The following KRR1 variants were observed in gnomAD, a reference collection of about 807,000 sequenced individuals.
The protein encoded by KRR1 is KRR1 small subunit processome component homolog.
Under a neutral mutation model 50.0 loss-of-function variants are expected in KRR1, and 23 were observed. The observed-to-expected ratio is 0.46, with a 90% CI of 0.33 to 0.65. KRR1 has a LOEUF of 0.65. Ranked by LOEUF, KRR1 falls within the 30% of genes least tolerant of loss-of-function variation. The pLI, the probability that KRR1 is intolerant of heterozygous loss-of-function variation, is 0.02. For synonymous variants in KRR1, 133 were observed against 146.3 expected (o/e 0.91, Z 0.66); for missense variants, 419 against 442.4 (o/e 0.95, Z 0.47).
rs370713345 is a variant in KRR1, at chr12:75,495,997, G to GTTTT, written c.*3808_*3811dup. 196 of 132,294 alleles carry GTTTT rather than the reference G, an allele frequency of 1.5e-3. 7 individuals are homozygous for GTTTT. Among genetic ancestry groups the GTTTT allele is most frequent in the African/African-American group, 4.0e-3 (136 of 33,670 alleles). The allele number at this position is 132,294 out of a possible 1,614,324, so 8.2% of individuals were successfully genotyped here. A position where few individuals can be genotyped will look rare whatever the true frequency, so the allele number is the denominator to read the frequency against. On this transcript the variant is annotated 3_prime_UTR_variant, in exon 10 of 10. Transcript: ENST00000229214. ...TCCAAACAAACAGAATTCTGTTTTC[G>GTTTT]TTTTTTTTTTTGTTTTTTTTTTTTG...
intron 1 of KRR1, among the ~76,000 whole-genome samples, chr12:75,509,775 T>TG (rs1442273103): frequency 3.3e-5 from 5 of 150,736 alleles, no homozygotes; most frequent in African/African-American, 1.2e-4. Flanking sequence ...TTTTTTTTTT[T>TG]GTAGCGAAAG....
rs1025065672 is a variant in KRR1, at chr12:75,497,556, C to T, written c.*2253G>A. 1.3e-5 allele frequency: 2 copies of T among 152,130 alleles called. No homozygotes were observed. The highest frequency in any genetic ancestry group is 4.8e-5 in the African/African-American group (2 of 41,418). 9.4% of individuals were successfully genotyped at this position (152,130 alleles called of 1,614,324 possible). A position where few individuals can be genotyped will look rare whatever the true frequency, so the allele number is the denominator to read the frequency against. ...ACTTGAAAGTATTCTACTCTTCGCA[C>T]TAATACTGAATAAGTAAGATTTGTG... On this transcript the variant is annotated 3_prime_UTR_variant, in exon 10 of 10. Transcript: ENST00000229214.
intron 9 of KRR1, chr12:75,500,525 ATATT>A (rs2046385295): frequency 2.6e-5 from 4 of 151,934 alleles, no homozygotes; most frequent in Non-Finnish European, 4.4e-5. Flanking sequence ...AATTCATTGA[ATATT>A]AATTCAATGA....
At chr12:75,508,550 T>C in intron 1 of KRR1, 104 bp from the exon 2 acceptor site, 2 of 741,384 alleles carry the variant, frequency 2.7e-6, no homozygotes, top group Middle Eastern at 6.8e-4. Context: ...CCTATGCACA[T>C]ATTCACAAAC....
chr12:75,501,659 A>G lies in KRR1; in HGVS notation c.1003+64T>C, dbSNP rs1364096945. On this transcript the variant is annotated intron_variant, in intron 9 of 9. Transcript: ENST00000229214. Reference sequence around the variant, plus strand: ...ACAACTGTTTCTTAAAAAGATTCAGACAAATTTATTATGGGTTTACTTTTC... The same window carrying G: ...ACAACTGTTTCTTAAAAAGATTCAGGCAAATTTATTATGGGTTTACTTTTC... 3.7e-6 allele frequency: 4 copies of G among 1,069,704 alleles called. No individual in the cohort carries two copies. The Admixed American group carries it at 6.3e-5, about 17-fold the overall frequency. 66.3% of individuals were successfully genotyped at this position (1,069,704 alleles called of 1,614,324 possible). A position where few individuals can be genotyped will look rare whatever the true frequency, so the allele number is the denominator to read the frequency against.
intron 7 of KRR1, chr12:75,503,616 T>A: frequency 4.4e-6 from 1 of 228,050 alleles, no homozygotes; most frequent in East Asian, 8.8e-5. Flanking sequence ...GAGAAAAGAG[T>A]ATTGCAGACT....
Position 75,496,616 on chromosome 12 carries a change from A to G in KRR1, c.*3193T>C, listed in dbSNP as rs1594062319. ...AGGGGAAACTTCAATTAAGCTGTGC[A>G]AAGCCTGTGGTACTTTCGTGTCCAT... On this transcript the variant is annotated 3_prime_UTR_variant, in exon 10 of 10. Transcript: ENST00000229214. 6.6e-6 allele frequency: 1 copy of G among 152,204 alleles called. No homozygotes were observed. Among genetic ancestry groups the G allele is most frequent in the East Asian group, 1.9e-4 (1 of 5,176 alleles). The allele number at this position is 152,204 out of a possible 1,614,324, so 9.4% of individuals were successfully genotyped here. A position where few individuals can be genotyped will look rare whatever the true frequency, so the allele number is the denominator to read the frequency against.
At chr12:75,505,112 C>A in intron 6 of KRR1, 86 bp downstream of exon 6, 2 of 1,328,690 alleles carry the variant, frequency 1.5e-6, no homozygotes, top group South Asian at 1.3e-5. Flanking sequence ...ATTAGAATTT[C>A]ATAAAACATT....
Position 75,495,997 on chromosome 12 carries a change from G to GTTT in KRR1, c.*3809_*3811dup, listed in dbSNP as rs370713345. The GTTT allele has an allele frequency of 3.9e-3, 520 of 132,168 alleles. 15 individuals are homozygous for GTTT. Among genetic ancestry groups the GTTT allele is most frequent in the African/African-American group, 6.3e-3 (211 of 33,658 alleles). 8.2% of individuals were successfully genotyped at this position (132,168 alleles called of 1,614,324 possible). A position where few individuals can be genotyped will look rare whatever the true frequency, so the allele number is the denominator to read the frequency against. ...TCCAAACAAACAGAATTCTGTTTTC[G>GTTT]TTTTTTTTTTTGTTTTTTTTTTTTG... On this transcript the variant is annotated 3_prime_UTR_variant, in exon 10 of 10. Transcript: ENST00000229214.
chr12:75,500,158 T>A lies in KRR1; in HGVS notation c.1004-207A>T, dbSNP rs1415388637. ...TTTCTTCAGATTAAGATAAAACAAA[T>A]CATAAAATACTTTATATATTAGTAC... On this transcript the variant is annotated intron_variant, in intron 9 of 9. Transcript: ENST00000229214. 13 of 381,606 alleles carry A rather than the reference T, an allele frequency of 3.4e-5. No individual in the cohort carries two copies. The East Asian group carries it at 5.1e-4, about 15-fold the overall frequency. 23.6% of individuals were successfully genotyped at this position (381,606 alleles called of 1,614,324 possible).
rs767374508 is a variant in KRR1, at chr12:75,504,048, T to A, written c.687A>T (p.Ala229=). 2.5e-6 allele frequency: 4 copies of A among 1,611,620 alleles called. No individual in the cohort carries two copies. The highest frequency in any genetic ancestry group is 3.3e-5 in the Admixed American group (2 of 59,812). The part of the protein sequence containing the change: ...IKSLMIKREL[A]KDSELRSQSW... ...TTTGTGATCGTAATTCAGAATCTTT[T>A]GCCAACTCTCTCTTAATCATTAAGC... Residue 229 remains alanine, a synonymous_variant, in exon 7 of 10, where the codon GCA becomes GCT. Transcript: ENST00000229214.
intron 1 of KRR1, among the ~76,000 whole-genome samples, chr12:75,511,164 C>T (rs1234258331): frequency 6.6e-6 from 1 of 152,206 alleles, no homozygotes; most frequent in Non-Finnish European, 1.5e-5. Flanking sequence ...CTATTCCCAC[C>T]TCACCCTATT....
Position 75,506,616 on chromosome 12 carries a change from CAAAA to C in KRR1, c.394-11_394-8del, listed in dbSNP as rs35071517. 2,008 of 1,365,562 alleles carry C rather than the reference CAAAA, an allele frequency of 1.5e-3. No homozygotes were observed. The highest frequency in any genetic ancestry group is 4.0e-3 in the South Asian group (256 of 64,246). The allele number at this position is 1,365,562 out of a possible 1,614,324, so 84.6% of individuals were successfully genotyped here. A position where few individuals can be genotyped will look rare whatever the true frequency, so the allele number is the denominator to read the frequency against. On this transcript the variant is annotated splice_polypyrimidine_tract_variant and splice_region_variant and intron_variant, in intron 3 of 9. Transcript: ENST00000229214. The stretch of plus-strand genomic sequence containing the variant: ...CCTGAAGAATTCGTACTGCCTTTTG[CAAAA>C]AAAAAAAAAAAAAGAAGACATTATC...
intron 2 of KRR1, 43 bp downstream of exon 2, chr12:75,508,231 G>C: frequency 6.5e-6 from 9 of 1,379,498 alleles, no homozygotes; most frequent in Non-Finnish European, 8.8e-6. Context: ...GCATAAGCAA[G>C]AGCAAAGTCT....
In KRR1 at chr12:75,498,656, CTTTTAA is replaced by C. The variant is rs2046366986; in HGVS notation, c.*1147_*1152del. 2.6e-6 allele frequency: 4 copies of C among 1,567,308 alleles called. No homozygotes were observed. Among genetic ancestry groups the C allele is most frequent in the Admixed American group, 1.7e-5 (1 of 59,776 alleles). ...AATAAAACTCTCAACTGTGTCTACC[CTTTTAA>C]TTTTTTTTCTTTCTTCCCCCTAACT... On this transcript the variant is annotated 3_prime_UTR_variant, in exon 10 of 10. Transcript: ENST00000229214.
chr12:75,495,790 T>A lies in KRR1; in HGVS notation c.*4019A>T. 1.7e-6 allele frequency: 1 copy of A among 584,250 alleles called. No homozygotes were observed. Among genetic ancestry groups the A allele is most frequent in the Admixed American group, 2.7e-5 (1 of 37,004 alleles). The allele number at this position is 584,250 out of a possible 1,614,324, so 36.2% of individuals were successfully genotyped here. On this transcript the variant is annotated 3_prime_UTR_variant, in exon 10 of 10. Coordinates refer to ENST00000229214, the MANE Select transcript of KRR1 (RefSeq NM_007043.7). Reference sequence around the variant, plus strand: ...AAGGAAACTGGCATCAAGTAGCAATTAAACCAATGGCTTACTGTTCTAGGA... The same window carrying A: ...AAGGAAACTGGCATCAAGTAGCAATAAAACCAATGGCTTACTGTTCTAGGA...
intron 9 of KRR1, 29 bp downstream of exon 9, chr12:75,501,693 TA>T: frequency 7.1e-7 from 1 of 1,409,528 alleles, no homozygotes; most frequent in Non-Finnish European, 9.9e-7. Context: ...TCCTAATTAA[TA>T]AAGACTTTTA....
Position 75,511,573 on chromosome 12 carries a change from G to C in KRR1, c.25C>G (p.Pro9Ala). 6.2e-7 allele frequency: 1 copy of C among 1,613,984 alleles called. No homozygotes were observed. Among genetic ancestry groups the C allele is most frequent in the Non-Finnish European group, 8.5e-7 (1 of 1,179,930 alleles). Residue 9 changes from proline to alanine, a missense_variant, in exon 1 of 10, where the codon CCA (proline) becomes GCA (alanine). Physicochemically the swap from Pro to Ala is conservative, Grantham distance 27. Transcript: ENST00000229214. MASPSLERPEKGAGKSEFR... is the reference protein window; with the variant it reads MASPSLERAEKGAGKSEFR... ...TCACTTTTTCCAGCGCCTTTTTCTG[G>C]CCGCTCCAGCGAGGGAGACGCCATT...
In KRR1 at chr12:75,496,572, T is replaced by A. The variant is rs772325120; in HGVS notation, c.*3237A>T. 1 of 70,766 alleles carries A rather than the reference T, an allele frequency of 1.4e-5. No homozygotes were observed. Among genetic ancestry groups the A allele is most frequent in the African/African-American group, 3.8e-5 (1 of 26,598 alleles). The allele number at this position is 70,766 out of a possible 1,614,324, so 4.4% of individuals were successfully genotyped here. A position where few individuals can be genotyped will look rare whatever the true frequency, so the allele number is the denominator to read the frequency against. On this transcript the variant is annotated 3_prime_UTR_variant, in exon 10 of 10. Coordinates refer to ENST00000229214, the MANE Select transcript of KRR1 (RefSeq NM_007043.7). ...ACACAAACCCTTCCATCCCAGTATG[T>A]TTTTTTACCATGGTGTGAAGGGGAA...
Sources: gnomAD v4.1 joint callset for allele counts (sites outside exome capture counted in the v4.1 genomes callset) on GRCh38, gnomAD v4.1.1 for gene constraint, MANE v1.5 for transcripts, NCBI Gene and HGNC (gene_info 2026-07-23, HGNC 2026-07-21) for gene names.